STPG1: variants seen among roughly 807,000 people sequenced by gnomAD.
The protein encoded by STPG1 is O(6)-methylguanine-induced apoptosis 2.
A neutral mutation model predicts 40.1 loss-of-function variants in STPG1; 33 were observed. That is an observed-to-expected ratio of 0.82 (90% CI 0.62 to 1.10). STPG1 has a LOEUF of 1.10. Among genes scored for constraint, STPG1 ranks in the 50% least tolerant of loss-of-function variants. The pLI is 0.00. For missense variants in STPG1, 396 were observed against 415.1 expected, an observed-to-expected ratio of 0.95 and a Z score of 0.40; for synonymous variants, 150 against 155.0, an observed-to-expected ratio of 0.97 and a Z score of 0.24.
chr1:24,393,207 G>A (rs1642854141), intron 2 of STPG1, among the ~76,000 whole-genome samples: 1 of 152,186 alleles, frequency 6.6e-6, no homozygotes, highest in Non-Finnish European at 1.5e-5. Flanking sequence ...TCTAGTAAGT[G>A]CTCAATAAAC....
chr1:24,386,538 C>G (rs1459336789), intron 3 of STPG1, among the ~76,000 whole-genome samples: 2 of 152,226 alleles, frequency 1.3e-5, no homozygotes, highest in Non-Finnish European at 2.9e-5. Context: ...GATGCTACAT[C>G]TCAGCACTTT....
At chr1:24,377,903 C>G (rs1489391536) in intron 5 of STPG1, among the ~76,000 whole-genome samples, 2 of 152,188 alleles carry the variant, frequency 1.3e-5, no homozygotes, top group Non-Finnish European at 2.9e-5. Context: ...GCTTTCTCTT[C>G]TTTATACTGG....
In STPG1 at chr1:24,358,353, G is replaced by A; in HGVS notation, c.*190C>T. 1.4e-6 allele frequency: 1 copy of A among 701,540 alleles called. No individual in the cohort carries two copies. The highest frequency in any genetic ancestry group is 2.6e-6 in the Non-Finnish European group (1 of 382,876). The allele number at this position is 701,540 out of a possible 1,614,324, so 43.5% of individuals were successfully genotyped here. A position where few individuals can be genotyped will look rare whatever the true frequency, so the allele number is the denominator to read the frequency against. ...GTGGGGCTGGGGTGAAGTCTCCAGGGAGCAATGTCTCCAGCTCAAGACAAA... is the reference window on the plus strand; with the variant it reads ...GTGGGGCTGGGGTGAAGTCTCCAGGAAGCAATGTCTCCAGCTCAAGACAAA... On this transcript the variant is annotated 3_prime_UTR_variant, in exon 9 of 9. Coordinates refer to ENST00000337248, the MANE Select transcript of STPG1 (RefSeq NM_001199013.2).
intron 6 of STPG1, among the ~76,000 whole-genome samples, chr1:24,371,045 C>A (rs1031359164): frequency 2.0e-5 from 3 of 152,034 alleles, no homozygotes; most frequent in Admixed American, 2.0e-4. Flanking sequence ...AATTTGTGTA[C>A]AAAGCTTTAA....
At chr1:24,397,281 T>C (rs1316391932) in intron 2 of STPG1, among the ~76,000 whole-genome samples, 1 of 152,188 alleles carries the variant, frequency 6.6e-6, no homozygotes, top group Non-Finnish European at 1.5e-5. Flanking sequence ...AACAAGTAGA[T>C]AGATCAGTAA....
chr1:24,392,221 G>A (rs560169552), intron 2 of STPG1: 1 of 297,472 alleles, frequency 3.4e-6, no homozygotes, highest in Non-Finnish European at 5.0e-6. Flanking sequence ...AGCAGAAAGG[G>A]ATCATCTATA....
chr1:24,361,738 A>G (rs1013958066), intron 7 of STPG1, among the ~76,000 whole-genome samples: 1 of 152,248 alleles, frequency 6.6e-6, no homozygotes, highest in Admixed American at 6.5e-5. Context: ...CCTTCCAGAA[A>G]GGGAGTCTAT....
Position 24,358,729 on chromosome 1 carries a change from C to G in STPG1, c.929-110G>C, listed in dbSNP as rs1266170724. The G allele has an allele frequency of 6.8e-6, 5 of 735,256 alleles. No individual in the cohort carries two copies. The East Asian group carries it at 1.3e-4, about 19-fold the overall frequency. The allele number at this position is 735,256 out of a possible 1,614,324, so 45.5% of individuals were successfully genotyped here. A position where few individuals can be genotyped will look rare whatever the true frequency, so the allele number is the denominator to read the frequency against. On this transcript the variant is annotated intron_variant, in intron 8 of 8. Coordinates refer to ENST00000337248, the MANE Select transcript of STPG1 (RefSeq NM_001199013.2). ...GGCCTGGGGACCCCTGTGCCAGCCC[C>G]TGTATCTTACACGTGGGGAGACAGA...
At chr1:24,382,869 C>T (rs1642347976) in intron 4 of STPG1, among the ~76,000 whole-genome samples, 1 of 149,730 alleles carries the variant, frequency 6.7e-6, no homozygotes, top group Admixed American at 6.6e-5. Context: ...GACAAGATGG[C>T]ATATGTTTGT....
chr1:24,395,755 T>G (rs957872551), intron 2 of STPG1, among the ~76,000 whole-genome samples: 5 of 152,140 alleles, frequency 3.3e-5, no homozygotes, highest in African/African-American at 1.2e-4. Context: ...ATATAACATT[T>G]TAAACATTTA....
chr1:24,413,352 A>T (rs2148722748), intron 1 of STPG1, among the ~76,000 whole-genome samples: 1 of 152,326 alleles, frequency 6.6e-6, no homozygotes, highest in South Asian at 2.1e-4. Context: ...CAGGCACTGA[A>T]GCCTCCCAAC....
chr1:24,373,695 T>G lies in STPG1; in HGVS notation c.571+7A>C. The stretch of plus-strand genomic sequence containing the variant: ...TAGGTCAAGGCCAGTGCAAAGCAGC[T>G]GCTTACCTGGGGGAGGTCCTTTATC... On this transcript the variant is annotated splice_region_variant and intron_variant, in intron 6 of 8. Transcript: ENST00000337248. 6.3e-7 allele frequency: 1 copy of G among 1,599,674 alleles called. No individual in the cohort carries two copies. Among genetic ancestry groups the G allele is most frequent in the East Asian group, 2.2e-5 (1 of 44,586 alleles).
intron 5 of STPG1, among the ~76,000 whole-genome samples, chr1:24,375,234 A>T (rs1411372362): frequency 1.3e-5 from 2 of 152,210 alleles, no homozygotes; most frequent in Non-Finnish European, 1.5e-5. Flanking sequence ...GTGAATCATA[A>T]ATATTTTAAA....
intron 7 of STPG1, among the ~76,000 whole-genome samples, chr1:24,367,712 C>A (rs1641541325): frequency 6.6e-6 from 1 of 152,076 alleles, no homozygotes; most frequent in South Asian, 2.1e-4. Flanking sequence ...TGGGGTTTTG[C>A]CATGTTGGCC....
At position 24,359,953 on chromosome 1, in the gene STPG1, G is replaced by A. The variant is rs759331890; in HGVS notation, c.928+898C>T. ...TGCTTGCCTGTAAAAAGAGTGTGGC[G>A]CTAGAAGGTTCAAAAGAGCTGCTCC... is the stretch of plus-strand genomic sequence containing the variant. On this transcript the variant is annotated intron_variant, in intron 8 of 8. Transcript: ENST00000337248. The surrounding 1 kb of genome is among the most constrained non-coding windows in gnomAD (Gnocchi z 5.3). 6.6e-6 allele frequency among the ~76,000 whole-genome samples: 1 copy of A among 152,050 alleles called. No homozygotes were observed. The highest frequency in any genetic ancestry group is 1.5e-5 in the Non-Finnish European group (1 of 68,004).
chr1:24,388,876 A>G (rs931193369), intron 3 of STPG1, among the ~76,000 whole-genome samples: 3 of 152,236 alleles, frequency 2.0e-5, no homozygotes, highest in Non-Finnish European at 4.4e-5. Context: ...AAATTATATA[A>G]TACAAATTTT....
At chr1:24,413,294 G>A (rs1279260497) in intron 1 of STPG1, among the ~76,000 whole-genome samples, 1 of 152,248 alleles carries the variant, frequency 6.6e-6, no homozygotes, top group African/African-American at 2.4e-5. Flanking sequence ...CCCCTGAGCT[G>A]GGGTGAACCT....
intron 5 of STPG1, among the ~76,000 whole-genome samples, chr1:24,377,209 C>T (rs1448542721): frequency 6.6e-6 from 1 of 151,996 alleles, no homozygotes; most frequent in Non-Finnish European, 1.5e-5. Flanking sequence ...GAGCCAAGAT[C>T]GTGCCACTGC....
intron 1 of STPG1, among the ~76,000 whole-genome samples, chr1:24,408,349 TG>T (rs1425364305): frequency 2.0e-5 from 3 of 152,250 alleles, no homozygotes; most frequent in African/African-American, 7.2e-5. Context: ...GGCCTTTTGA[TG>T]GGTATTTCCC....
Sources: allele counts gnomAD v4.1 joint callset (sites outside exome capture counted in the v4.1 genomes callset), GRCh38; gene constraint gnomAD v4.1.1; non-coding constraint Gnocchi (gnomAD v3.1); transcripts MANE v1.5; gene names NCBI Gene and HGNC (gene_info 2026-07-23, HGNC 2026-07-21).